SLIT3: variants seen among roughly 807,000 people sequenced by gnomAD.
SLIT3 encodes slit homolog 3 protein.
In SLIT3, 68 loss-of-function variants were observed where a neutral mutation model predicts 184.0. That is an observed-to-expected ratio of 0.37 (90% CI 0.30 to 0.45). The LOEUF (loss-of-function observed/expected upper bound fraction) is 0.45, where lower values mean the gene tolerates loss of function less well. SLIT3 is among the 20% of genes least tolerant of loss of function. The pLI is 1.00. For missense variants in SLIT3, 1,707 were observed against 2,026.0 expected (o/e 0.84, Z 3.02); for synonymous variants, 831 against 828.6 (o/e 1.00, Z -0.05).
chr5:169,242,744 A>AC lies in SLIT3; in HGVS notation c.341+1960dup, dbSNP rs201756644. Among the ~76,000 whole-genome samples, 546 of 152,292 alleles carry AC rather than the reference A, an allele frequency of 3.6e-3. 2 individuals are homozygous for AC. Among genetic ancestry groups the AC allele is most frequent in the African/African-American group, 0.013 (522 of 41,554 alleles). On this transcript the variant is annotated intron_variant, in intron 3 of 35. Transcript: ENST00000519560. ...TTTATCTAGCACAGCAGCTAGCATT[A>AC]CCCCACCTAATACACCAACACGGAG... is the stretch of plus-strand genomic sequence containing the variant.
Position 168,711,072 on chromosome 5 carries a change from C to G in SLIT3, c.2556-14G>C, listed in dbSNP as rs754944262. 6.4e-6 allele frequency: 10 copies of G among 1,550,794 alleles called. No homozygotes were observed. The South Asian group carries it at 7.3e-5, about 11-fold the overall frequency. ...GTTCCCAGCGCCCTAGGAGGCAGAA[C>G]AGGAAGTCAGGGCCCCCTGCCCAGC... On this transcript the variant is annotated splice_polypyrimidine_tract_variant and intron_variant, in intron 24 of 35. Transcript: ENST00000519560.
At chr5:169,055,129 A>G (rs1305022073) in intron 4 of SLIT3, among the ~76,000 whole-genome samples, 1 of 151,680 alleles carries the variant, frequency 6.6e-6, no homozygotes, top group Admixed American at 6.6e-5. Context: ...GGAGACCATC[A>G]GTTTTGGGGA....
intron 5 of SLIT3, 36 bp from the exon 6 acceptor site, chr5:168,844,691 G>T (rs775600438): frequency 1.2e-6 from 2 of 1,606,332 alleles, no homozygotes; most frequent in South Asian, 1.1e-5. Flanking sequence ...AAGGCTGAGC[G>T]GGGGCAGCGT....
chr5:169,216,699 T>G (rs1178249788), intron 3 of SLIT3, among the ~76,000 whole-genome samples: 1 of 152,134 alleles, frequency 6.6e-6, no homozygotes, highest in East Asian at 1.9e-4. Flanking sequence ...ATGCTACCTG[T>G]GAGGATGTGA....
chr5:168,717,131 A>G, intron 23 of SLIT3, among the ~76,000 whole-genome samples: 1 of 120,270 alleles, frequency 8.3e-6, no homozygotes, highest in East Asian at 2.2e-4. Flanking sequence ...TGGAAGCACA[A>G]GTTAAGAGGA....
At chr5:169,069,941 A>T (rs549189526) in intron 4 of SLIT3, among the ~76,000 whole-genome samples, 2 of 152,324 alleles carry the variant, frequency 1.3e-5, no homozygotes, top group African/African-American at 4.8e-5. Flanking sequence ...TCAAGCTCCA[A>T]TGGAGGTTTC....
At chr5:169,189,637 GAGGCTT>G (rs1763482794) in intron 4 of SLIT3, among the ~76,000 whole-genome samples, 2 of 146,502 alleles carry the variant, frequency 1.4e-5, no homozygotes, top group African/African-American at 5.1e-5. Context: ...AGCATTGATT[GAGGCTT>G]AGGCAGGGAA....
Position 168,669,906 on chromosome 5 carries a change from T to C in SLIT3, c.4213A>G (p.Lys1405Glu). The C allele has an allele frequency of 2.5e-6, 4 of 1,614,214 alleles. No homozygotes were observed. The highest frequency in any genetic ancestry group is 3.4e-6 in the Non-Finnish European group (4 of 1,180,038). ...GAGCAGGCATTGGCAGAGTCATTCT[T>C]GTTGTCACACAAGTCCCCTCCATAG... ...EGYGGDLCDN[K>E]NDSANACSAF... is the part of the protein sequence containing the mutation. The change falls in exon 35 of 36, where the codon AAG becomes GAG. Residue 1405 changes from lysine to glutamate, a missense_variant. Physicochemically the swap from Lys to Glu is moderately conservative, Grantham distance 56. Transcript: ENST00000519560.
chr5:169,115,746 C>T (rs1195182514), intron 4 of SLIT3, among the ~76,000 whole-genome samples: 3 of 152,176 alleles, frequency 2.0e-5, no homozygotes, highest in African/African-American at 7.2e-5. Context: ...AAATGAGAGT[C>T]ATCACTCCTC....
In SLIT3 at chr5:169,208,060, A is replaced by G. The variant is rs113470300; in HGVS notation, c.342-14510T>C. Among the ~76,000 whole-genome samples the G allele has an allele frequency of 8.9e-4, 136 of 152,304 alleles. 2 individuals are homozygous for G. The highest frequency in any genetic ancestry group is 3.4e-3 in the Middle Eastern group (1 of 294). ...TTTAACAAGCACCTACTGTTTGCTT[A>G]CCTGGGGGCAAACAGGGAAGAAAAA... On this transcript the variant is annotated intron_variant, in intron 3 of 35. Transcript: ENST00000519560.
chr5:168,878,206 G>A (rs1759811042), intron 5 of SLIT3, among the ~76,000 whole-genome samples: 1 of 152,198 alleles, frequency 6.6e-6, no homozygotes, highest in South Asian at 2.1e-4. Flanking sequence ...GGCAAGTAGT[G>A]GAGAATGAGA....
At chr5:169,065,120 G>A (rs993730541) in intron 4 of SLIT3, among the ~76,000 whole-genome samples, 2 of 152,180 alleles carry the variant, frequency 1.3e-5, no homozygotes, top group African/African-American at 4.8e-5. Context: ...GTGGAAAGGT[G>A]CAAAGCGAAA....
intron 3 of SLIT3, among the ~76,000 whole-genome samples, chr5:169,229,963 T>G (rs1024577583): frequency 6.6e-6 from 1 of 152,134 alleles, no homozygotes; most frequent in African/African-American, 2.4e-5. Context: ...CAAATGACCC[T>G]GAGACGAGGG....
At chr5:168,884,060 G>A (rs1297304998) in intron 4 of SLIT3, among the ~76,000 whole-genome samples, 1 of 151,912 alleles carries the variant, frequency 6.6e-6, no homozygotes, top group African/African-American at 2.4e-5. Context: ...CAGACTGTAA[G>A]CATTCCCAAA....
intron 32 of SLIT3, among the ~76,000 whole-genome samples, chr5:168,675,366 A>G (rs532799468): frequency 6.6e-6 from 1 of 152,340 alleles, no homozygotes; most frequent in African/African-American, 2.4e-5. Context: ...CAAAAAGGCA[A>G]GAGAAATGCT....
At chr5:168,679,202 A>G (rs1761505446) in intron 32 of SLIT3, among the ~76,000 whole-genome samples, 3 of 152,016 alleles carry the variant, frequency 2.0e-5, no homozygotes. Context: ...AGGACCATAC[A>G]TGTGCACTAC....
intron 4 of SLIT3, among the ~76,000 whole-genome samples, chr5:169,181,053 C>T (rs1763135112): frequency 6.6e-6 from 1 of 152,194 alleles, no homozygotes; most frequent in African/African-American, 2.4e-5. Context: ...CCACTATCAT[C>T]TCTATGGACC....
In SLIT3 at chr5:168,663,839, A is replaced by G. The variant is rs1404548445; in HGVS notation, c.*2615T>C. The G allele has an allele frequency of 6.6e-6, 1 of 152,222 alleles. No individual in the cohort carries two copies. Among genetic ancestry groups the G allele is most frequent in the Non-Finnish European group, 1.5e-5 (1 of 68,046 alleles). The allele number at this position is 152,222 out of a possible 1,614,324, so 9.4% of individuals were successfully genotyped here. On this transcript the variant is annotated 3_prime_UTR_variant, in exon 36 of 36. Transcript: ENST00000519560. Reference sequence around the variant, plus strand: ...TTCCCTCCTCTGGACAGCCACTTCCATTGCTTGTATTGCCACTTAAGAGCT... The same window carrying G: ...TTCCCTCCTCTGGACAGCCACTTCCGTTGCTTGTATTGCCACTTAAGAGCT...
chr5:168,905,773 G>C (rs1761030890), intron 4 of SLIT3, among the ~76,000 whole-genome samples: 1 of 152,224 alleles, frequency 6.6e-6, no homozygotes, highest in Non-Finnish European at 1.5e-5. Context: ...AGGAGCCTGG[G>C]TTAGCATGCC....
Sources: allele counts gnomAD v4.1 joint callset (sites outside exome capture counted in the v4.1 genomes callset), GRCh38; gene constraint gnomAD v4.1.1; transcripts MANE v1.5; gene names NCBI Gene and HGNC (gene_info 2026-07-23, HGNC 2026-07-21).